OR2L5: variants seen among roughly 807,000 people sequenced by gnomAD.
OR2L5 encodes the protein olfactory receptor 2L5.
For synonymous variants in OR2L5, 169 were observed against 142.0 expected, an observed-to-expected ratio of 1.19 and a Z score of -1.35; for missense variants, 413 against 381.6, an observed-to-expected ratio of 1.08 and a Z score of -0.69.
chr1:248,023,927 A>T lies in OR2L5; in HGVS notation c.*1041A>T, dbSNP rs1230850777. 6.6e-6 allele frequency: 1 copy of T among 152,238 alleles called. No homozygotes were observed. The highest frequency in any genetic ancestry group is 1.5e-5 in the Non-Finnish European group (1 of 68,040). 9.4% of individuals were successfully genotyped at this position (152,238 alleles called of 1,614,324 possible). Reference sequence around the variant, plus strand: ...TCTAAAGTTCTTTCTGTTGCTCTCAAATAGAATAATCTTCACTCTGGAAAT... The same window carrying T: ...TCTAAAGTTCTTTCTGTTGCTCTCATATAGAATAATCTTCACTCTGGAAAT... On this transcript the variant is annotated 3_prime_UTR_variant, in exon 2 of 2. Coordinates refer to ENST00000355281, the MANE Select transcript of OR2L5 (RefSeq NM_001258284.2).
In OR2L5 at chr1:248,022,941, A is replaced by C; in HGVS notation, c.*55A>C. ...TAGGTTCATATCAACTCAGCAGTGT[A>C]CAGCAGTGAAGAAAAACATTATTAC... On this transcript the variant is annotated 3_prime_UTR_variant, in exon 2 of 2. Transcript: ENST00000355281. 6.8e-7 allele frequency: 1 copy of C among 1,472,642 alleles called. No homozygotes were observed. Among genetic ancestry groups the C allele is most frequent in the East Asian group, 2.3e-5 (1 of 43,932 alleles). 91.2% of individuals were successfully genotyped at this position (1,472,642 alleles called of 1,614,324 possible).
At position 248,022,417 on chromosome 1, in the gene OR2L5, C is replaced by A. The variant is rs575592037; in HGVS notation, c.470C>A (p.Ala157Asp). The A allele has an allele frequency of 6.2e-7, 1 of 1,614,034 alleles. No individual in the cohort carries two copies. Among genetic ancestry groups the A allele is most frequent in the Non-Finnish European group, 8.5e-7 (1 of 1,180,012 alleles). Residue 157 changes from alanine to aspartate, a missense_variant, in exon 2 of 2, where the codon GCT (alanine) becomes GAT (aspartate). By Grantham distance (126) the Ala-to-Asp change is moderately radical. Coordinates refer to ENST00000355281, the MANE Select transcript of OR2L5 (RefSeq NM_001258284.2). ...ATGATAGGCTCCATCAACTCTTGTGCTCACACAGTATATGCATTCCGTATC... is the reference window on the plus strand; with the variant it reads ...ATGATAGGCTCCATCAACTCTTGTGATCACACAGTATATGCATTCCGTATC... ...SWMIGSINSCAHTVYAFRIPY... is the reference protein window; with the variant it reads ...SWMIGSINSCDHTVYAFRIPY...
At chr1:248,016,019 C>G (rs924408502) in intron 1 of OR2L5, among the ~76,000 whole-genome samples, 15 of 152,194 alleles carry the variant, frequency 9.9e-5, no homozygotes, top group African/African-American at 3.4e-4. Flanking sequence ...ATGAATAACG[C>G]TCTTCAAATC....
chr1:248,016,815 G>A (rs72763237), intron 1 of OR2L5, among the ~76,000 whole-genome samples: 10,565 of 151,954 alleles, frequency 0.07, 420 homozygotes, highest in East Asian at 0.16. Flanking sequence ...GTAAATATAG[G>A]CATATGTGTG....
Position 248,023,719 on chromosome 1 carries a change from A to G in OR2L5, c.*833A>G, listed in dbSNP as rs2103080813. ...CTAGAAGGATCAACATTATTTTTAT[A>G]AAAGTTGTCAGCTTAGGTCCATTCT... On this transcript the variant is annotated 3_prime_UTR_variant, in exon 2 of 2. Transcript: ENST00000355281. 6.6e-6 allele frequency: 1 copy of G among 152,316 alleles called. No homozygotes were observed. Among genetic ancestry groups the G allele is most frequent in the South Asian group, 2.1e-4 (1 of 4,830 alleles). 9.4% of individuals were successfully genotyped at this position (152,316 alleles called of 1,614,324 possible). A position where few individuals can be genotyped will look rare whatever the true frequency, so the allele number is the denominator to read the frequency against.
intron 1 of OR2L5, among the ~76,000 whole-genome samples, chr1:248,018,151 T>A (rs978265340): frequency 1.0e-4 from 13 of 127,558 alleles, no homozygotes; most frequent in Non-Finnish European, 2.0e-4. Context: ...CGACTCCATC[T>A]CAAAAAAATA....
intron 1 of OR2L5, among the ~76,000 whole-genome samples, 163 bp from the exon 2 acceptor site, chr1:248,021,759 CTAATT>C (rs1263036752): frequency 6.6e-6 from 1 of 152,016 alleles, no homozygotes; most frequent in Non-Finnish European, 1.5e-5. Flanking sequence ...TCTTCCTTGT[CTAATT>C]TATAAATTAA....
chr1:248,022,706 C>G lies in OR2L5; in HGVS notation c.759C>G (p.Pro253=), dbSNP rs1487304212. 1 of 1,614,024 alleles carries G rather than the reference C, an allele frequency of 6.2e-7. No homozygotes were observed. Among genetic ancestry groups the G allele is most frequent in the African/African-American group, 1.3e-5 (1 of 74,918 alleles). Residue 253 remains proline (P), a synonymous_variant, in exon 2 of 2, where the codon CCC becomes CCG. Transcript: ENST00000355281. ...CTGTAGTAACTTTCTACTATGCACC[C>G]TTTGCTTATACCTATCTATGTCCAA... ...HLTVVTFYYA[P]FAYTYLCPRS... is the part of the protein sequence containing the mutation.
chr1:248,016,361 A>G (rs1662197392), intron 1 of OR2L5, among the ~76,000 whole-genome samples: 1 of 152,138 alleles, frequency 6.6e-6, no homozygotes, highest in Non-Finnish European at 1.5e-5. Flanking sequence ...TGTTGGGAAC[A>G]TGGTGGAAAT....
At chr1:248,016,628 A>G (rs1010422387) in intron 1 of OR2L5, among the ~76,000 whole-genome samples, 6 of 152,116 alleles carry the variant, frequency 3.9e-5, no homozygotes, top group African/African-American at 1.4e-4. Context: ...GTAATTAAAA[A>G]GTGAGTCAGC....
intron 1 of OR2L5, among the ~76,000 whole-genome samples, chr1:248,020,365 G>C (rs1662307266): frequency 6.6e-6 from 1 of 152,078 alleles, no homozygotes; most frequent in Admixed American, 6.6e-5. Flanking sequence ...ACTAAAAAAG[G>C]AATTCAGCCA....
At chr1:248,013,949 C>A (rs189158970) in intron 1 of OR2L5, among the ~76,000 whole-genome samples, 2 of 151,912 alleles carry the variant, frequency 1.3e-5, no homozygotes, top group Non-Finnish European at 2.9e-5. Flanking sequence ...ATGTGTTTCC[C>A]GGATTGGAAG....
intron 1 of OR2L5, among the ~76,000 whole-genome samples, chr1:248,016,699 C>T (rs1018020978): frequency 3.3e-5 from 5 of 151,270 alleles, no homozygotes; most frequent in Admixed American, 6.6e-5. Context: ...TTTTTTTAAA[C>T]GTGTATATAA....
At position 248,022,884 on chromosome 1, in the gene OR2L5, T is replaced by G; in HGVS notation, c.937T>G (p.Ter313GluextTer6). 1 of 1,601,982 alleles carries G rather than the reference T, an allele frequency of 6.2e-7. No homozygotes were observed. The highest frequency in any genetic ancestry group is 8.5e-7 in the Non-Finnish European group (1 of 1,174,116). Residue 313 changes from the stop codon to glutamate, a stop_lost, in exon 2 of 2, where the codon TAG becomes GAG. Coordinates refer to ENST00000355281, the MANE Select transcript of OR2L5 (RefSeq NM_001258284.2). The part of the protein sequence containing the change: ...VIQNIFSVKM[*>E] The stretch of plus-strand genomic sequence containing the variant: ...TCAGAATATCTTCTCGGTGAAAATG[T>G]AGACATACGTTCTGTGTTAGAGTCA...
At position 248,022,279 on chromosome 1, in the gene OR2L5, C is replaced by T. The variant is rs756291968; in HGVS notation, c.332C>T (p.Ala111Val). ...TTCATGACTTTTGCAGGTGCAGAAG[C>T]GCTGCTCCTGACATCAATGGCCTAT... ...FFFMTFAGAE[A>V]LLLTSMAYDR... Residue 111 changes from alanine (A) to valine (V), a missense_variant, in exon 2 of 2, where the codon GCG (alanine) becomes GTG (valine). Coordinates refer to ENST00000355281, the MANE Select transcript of OR2L5 (RefSeq NM_001258284.2). 4.9e-5 allele frequency: 79 copies of T among 1,613,844 alleles called. No homozygotes were observed. The highest frequency in any genetic ancestry group is 5.8e-5 in the Non-Finnish European group (68 of 1,179,890).
Position 248,022,630 on chromosome 1 carries a change from A to G in OR2L5, c.683A>G (p.His228Arg), listed in dbSNP as rs1377493189. 2 of 1,613,982 alleles carry G rather than the reference A, an allele frequency of 1.2e-6. No homozygotes were observed. Among genetic ancestry groups the G allele is most frequent in the Non-Finnish European group, 1.7e-6 (2 of 1,179,982 alleles). The change falls in exon 2 of 2, where the codon CAC (histidine) becomes CGC (arginine). Residue 228 changes from histidine (H) to arginine (R), a missense_variant. Coordinates refer to ENST00000355281, the MANE Select transcript of OR2L5 (RefSeq NM_001258284.2). ...GWVLLAVYRM[H>R]SAEGRKKAYS... ...GTTCTCCTTGCTGTCTACCGCATGC[A>G]CTCTGCAGAAGGGAGGAAAAAGGCC...
At position 248,023,967 on chromosome 1, in the gene OR2L5, TA is replaced by T. The variant is rs1382585238; in HGVS notation, c.*1086del. ...ACTCTGGAAATATAATTAAAGTGCATAAAAACTATTTATCTGAAGAATAACA... is the reference window on the plus strand; with the variant it reads ...ACTCTGGAAATATAATTAAAGTGCATAAAACTATTTATCTGAAGAATAACA... On this transcript the variant is annotated 3_prime_UTR_variant, in exon 2 of 2. Transcript: ENST00000355281. 3 of 152,332 alleles carry T rather than the reference TA, an allele frequency of 2.0e-5. No homozygotes were observed. The highest frequency in any genetic ancestry group is 4.8e-5 in the African/African-American group (2 of 41,590). 9.4% of individuals were successfully genotyped at this position (152,332 alleles called of 1,614,324 possible).
rs1442145380 is a variant in OR2L5 at position 248,022,701 on chromosome 1, G to A, written c.754G>A (p.Ala252Thr). The A allele has an allele frequency of 4.3e-6, 7 of 1,614,002 alleles. No individual in the cohort carries two copies. Among genetic ancestry groups the A allele is most frequent in the Non-Finnish European group, 5.9e-6 (7 of 1,180,026 alleles). The change falls in exon 2 of 2, where the codon GCA becomes ACA. Residue 252 changes from alanine to threonine, a missense_variant. Physicochemically the swap from Ala to Thr is moderately conservative, Grantham distance 58. Transcript: ENST00000355281. ...THLTVVTFYY[A>T]PFAYTYLCPR... ...CCTCACTGTAGTAACTTTCTACTAT[G>A]CACCCTTTGCTTATACCTATCTATG... is the stretch of plus-strand genomic sequence containing the variant.
In OR2L5 at chr1:248,022,015, G is replaced by A. The variant is rs756499486; in HGVS notation, c.68G>A (p.Gly23Asp). 4 of 1,613,874 alleles carry A rather than the reference G, an allele frequency of 2.5e-6. No individual in the cohort carries two copies. In the East Asian group the frequency reaches 6.7e-5, roughly 27 times the overall value. The stretch of plus-strand genomic sequence containing the variant: ...GGGCTGTTCCCACCATCAAAAATTG[G>A]CCTTTTCCTCTTCATTCTCTTTGTT... Reference protein sequence around the residue: ...LLGLFPPSKIGLFLFILFVLI... With the variant: ...LLGLFPPSKIDLFLFILFVLI... The change falls in exon 2 of 2, where the codon GGC becomes GAC. Residue 23 changes from glycine to aspartate, a missense_variant. Gly to Asp is a moderately conservative substitution (Grantham distance 94). Coordinates refer to ENST00000355281, the MANE Select transcript of OR2L5 (RefSeq NM_001258284.2).
Sources: allele counts gnomAD v4.1 joint callset (sites outside exome capture counted in the v4.1 genomes callset), GRCh38; gene constraint gnomAD v4.1.1; transcripts MANE v1.5; gene names NCBI Gene and HGNC (gene_info 2026-07-23, HGNC 2026-07-21).